The following VAX1 variants were observed in gnomAD, a reference collection of about 807,000 sequenced individuals.
VAX1 encodes ventral anterior homeobox 1.
VAX1 carries 6 observed loss-of-function variants against 17.6 expected under a neutral mutation model. That is an observed-to-expected ratio of 0.34 (90% CI 0.19 to 0.67). The LOEUF (loss-of-function observed/expected upper bound fraction) is 0.67, where lower values mean the gene tolerates loss of function less well. Ranked by LOEUF, VAX1 falls within the 30% of genes least tolerant of loss-of-function variation. VAX1 has a pLI of 0.69. For missense variants in VAX1, 408 were observed against 463.7 expected, an observed-to-expected ratio of 0.88 and a Z score of 1.10; for synonymous variants, 256 against 227.4, an observed-to-expected ratio of 1.13 and a Z score of -1.13.
In VAX1 at chr10:117,134,474, C is replaced by T. The variant is rs367863478; in HGVS notation, c.539G>A (p.Arg180Gln). 2.0e-6 allele frequency: 3 copies of T among 1,522,868 alleles called. No homozygotes were observed. 94.3% of individuals were successfully genotyped at this position (1,522,868 alleles called of 1,614,324 possible). ...SETAATCSVLRLLEQGRLLSP... is the reference protein window; with the variant it reads ...SETAATCSVLQLLEQGRLLSP... ...CAACAGGCGGCCCTGCTCCAGCAGC[C>T]GTAGCACGCTGCACGTGGCCGCGGT... Residue 180 changes from arginine (R) to glutamine (Q), a missense_variant, in exon 3 of 3, where the codon CGG becomes CAG. Physicochemically the swap from Arg to Gln is conservative, Grantham distance 43 (BLOSUM62 1). Transcript: ENST00000369206. This position sits in a 1 kb window ranked among gnomAD's most constrained non-coding sequence, Gnocchi z 6.2.
At chr10:117,132,215 G>A, downstream of VAX1, 1 of 1,613,584 alleles carries the variant, frequency 6.2e-7, no homozygotes, top group Non-Finnish European at 8.5e-7. This position sits in a 1 kb window ranked among gnomAD's most constrained non-coding sequence, Gnocchi z 4.9. Context: ...CGCACTATAG[G>A]GGCTGCCACC....
In VAX1 at chr10:117,136,369, G is replaced by A. The variant is rs982851384; in HGVS notation, c.429+103C>T. The A allele has an allele frequency of 3.0e-5, 43 of 1,411,988 alleles. No homozygotes were observed. Among genetic ancestry groups the A allele is most frequent in the Non-Finnish European group, 4.0e-5 (41 of 1,034,870 alleles). The allele number at this position is 1,411,988 out of a possible 1,614,324, so 87.5% of individuals were successfully genotyped here. ...CTTCCCATCTCCTCCACCTCCCAAGGGTAGTTCTGTCCAGAGCAGGTTAGG... is the reference window on the plus strand; with the variant it reads ...CTTCCCATCTCCTCCACCTCCCAAGAGTAGTTCTGTCCAGAGCAGGTTAGG... On this transcript the variant is annotated intron_variant, in intron 2 of 2. Coordinates refer to ENST00000369206, the MANE Select transcript of VAX1 (RefSeq NM_001112704.2). This position sits in a 1 kb window ranked among gnomAD's most constrained non-coding sequence, Gnocchi z 5.0.
In VAX1 at chr10:117,134,795, C is replaced by A. The variant is rs1384910452; in HGVS notation, c.430-212G>T. Among the ~76,000 whole-genome samples, 5 of 152,090 alleles carry A rather than the reference C, an allele frequency of 3.3e-5. No homozygotes were observed. The highest frequency in any genetic ancestry group is 2.1e-4 in the South Asian group (1 of 4,832). The stretch of plus-strand genomic sequence containing the variant: ...GACACAGCTGCTCCACCGGGCTGCG[C>A]TTCCGGGTCAGGGAAGCAGGCCCAG... On this transcript the variant is annotated intron_variant, in intron 2 of 2. Coordinates refer to ENST00000369206, the MANE Select transcript of VAX1 (RefSeq NM_001112704.2). The surrounding 1 kb of genome is among the most constrained non-coding windows in gnomAD (Gnocchi z 6.2).
Position 117,136,384 on chromosome 10 carries a change from A to C in VAX1, c.429+88T>G. 1 of 1,526,508 alleles carries C rather than the reference A, an allele frequency of 6.6e-7. No individual in the cohort carries two copies. The highest frequency in any genetic ancestry group is 8.9e-7 in the Non-Finnish European group (1 of 1,120,468). The allele number at this position is 1,526,508 out of a possible 1,614,324, so 94.6% of individuals were successfully genotyped here. A position where few individuals can be genotyped will look rare whatever the true frequency, so the allele number is the denominator to read the frequency against. On this transcript the variant is annotated intron_variant, in intron 2 of 2. Coordinates refer to ENST00000369206, the MANE Select transcript of VAX1 (RefSeq NM_001112704.2). The surrounding 1 kb of genome is among the most constrained non-coding windows in gnomAD (Gnocchi z 5.0). ...ACCTCCCAAGGGTAGTTCTGTCCAGAGCAGGTTAGGAGGTGAAGAGCAGGC... is the reference window on the plus strand; with the variant it reads ...ACCTCCCAAGGGTAGTTCTGTCCAGCGCAGGTTAGGAGGTGAAGAGCAGGC...
downstream of VAX1, chr10:117,129,043 A>T (rs911368179): frequency 2.0e-5 from 3 of 152,264 alleles, no homozygotes; most frequent in Non-Finnish European, 4.4e-5. Context: ...AATGGTGTTA[A>T]ATTACAATAG....
rs1218612887 is a variant in VAX1, at chr10:117,136,958, C to G, written c.242-299G>C. Reference sequence around the variant, plus strand: ...GGACGTTTCTTCCGGCCTGGGGGGGCCTCGGCTGAGCCTTCCGGGTCCCCT... The same window carrying G: ...GGACGTTTCTTCCGGCCTGGGGGGGGCTCGGCTGAGCCTTCCGGGTCCCCT... On this transcript the variant is annotated intron_variant, in intron 1 of 2. Coordinates refer to ENST00000369206, the MANE Select transcript of VAX1 (RefSeq NM_001112704.2). The surrounding 1 kb of genome is among the most constrained non-coding windows in gnomAD (Gnocchi z 5.0). Among the ~76,000 whole-genome samples the G allele has an allele frequency of 6.6e-6, 1 of 152,216 alleles. No individual in the cohort carries two copies. The highest frequency in any genetic ancestry group is 1.5e-5 in the Non-Finnish European group (1 of 68,036).
chr10:117,137,935 G>C lies in VAX1; in HGVS notation c.122C>G (p.Ala41Gly), dbSNP rs768646019. The C allele has an allele frequency of 3.1e-6, 5 of 1,613,732 alleles. No homozygotes were observed. The African/African-American group carries it at 5.3e-5, about 17-fold the overall frequency. ...GCCCTGCGGCTCCTTGAGGAAGGCGGCTGGGAGGTTCCCCTCCGCGCCCTT... is the reference window on the plus strand; with the variant it reads ...GCCCTGCGGCTCCTTGAGGAAGGCGCCTGGGAGGTTCCCCTCCGCGCCCTT... Reference protein sequence around the residue: ...ESKGAEGNLPAAFLKEPQGAF... With the variant: ...ESKGAEGNLPGAFLKEPQGAF... The change falls in exon 1 of 3, where the codon GCC becomes GGC. Residue 41 changes from alanine to glycine, a missense_variant. Coordinates refer to ENST00000369206, the MANE Select transcript of VAX1 (RefSeq NM_001112704.2). The surrounding 1 kb of genome is among the most constrained non-coding windows in gnomAD (Gnocchi z 7.4).
downstream of VAX1, chr10:117,129,573 C>T (rs1854058210): frequency 6.6e-6 from 1 of 152,136 alleles, no homozygotes; most frequent in Non-Finnish European, 1.5e-5. Flanking sequence ...GAGAAAGACA[C>T]TGTGTGTCAT....
rs1249422578 is a variant in VAX1, at chr10:117,137,882, C to T, written c.175G>A (p.Asp59Asn). Residue 59 changes from aspartate to asparagine, a missense_variant, in exon 1 of 3, where the codon GAT (aspartate) becomes AAT (asparagine). Coordinates refer to ENST00000369206, the MANE Select transcript of VAX1 (RefSeq NM_001112704.2). This position sits in a 1 kb window ranked among gnomAD's most constrained non-coding sequence, Gnocchi z 7.4. ...GAFSASGAAE[D>N]CNKSKSNSAA... ...GAATTGGATTTACTTTTGTTACAAT[C>T]CTCAGCAGCGCCCGACGCTGAGAAG... 6.8e-6 allele frequency: 11 copies of T among 1,613,686 alleles called. No individual in the cohort carries two copies. The highest frequency in any genetic ancestry group is 9.3e-6 in the Non-Finnish European group (11 of 1,180,008).
In VAX1 at chr10:117,134,152, G is replaced by A. The variant is rs1854132020; in HGVS notation, c.861C>T (p.Arg287=). The A allele has an allele frequency of 1.3e-6, 2 of 1,529,600 alleles. No individual in the cohort carries two copies. Among genetic ancestry groups the A allele is most frequent in the African/African-American group, 1.4e-5 (1 of 70,852 alleles). The allele number at this position is 1,529,600 out of a possible 1,614,324, so 94.8% of individuals were successfully genotyped here. A position where few individuals can be genotyped will look rare whatever the true frequency, so the allele number is the denominator to read the frequency against. ...VPSLLGSVAS[R]LSSAPLTMAG... ...CCATTGTTAACGGGGCGGAGGACAG[G>A]CGGCTGGCGACGGAGCCGAGCAGCG... The change falls in exon 3 of 3, where the codon CGC becomes CGT. Residue 287 remains arginine, a synonymous_variant. Coordinates refer to ENST00000369206, the MANE Select transcript of VAX1 (RefSeq NM_001112704.2). The surrounding 1 kb of genome is among the most constrained non-coding windows in gnomAD (Gnocchi z 6.2).
Position 117,137,671 on chromosome 10 carries a change from C to T in VAX1, c.241+145G>A, listed in dbSNP as rs1854206324. On this transcript the variant is annotated intron_variant, in intron 1 of 2. Coordinates refer to ENST00000369206, the MANE Select transcript of VAX1 (RefSeq NM_001112704.2). This position sits in a 1 kb window ranked among gnomAD's most constrained non-coding sequence, Gnocchi z 7.4. ...GAGAGTCCCAGGCGCTTGTCCCCAGCCGGACTCGGGGCGGGGAGGGCCAAC... is the reference window on the plus strand; with the variant it reads ...GAGAGTCCCAGGCGCTTGTCCCCAGTCGGACTCGGGGCGGGGAGGGCCAAC... 2 of 1,528,816 alleles carry T rather than the reference C, an allele frequency of 1.3e-6. No homozygotes were observed. The highest frequency in any genetic ancestry group is 1.4e-5 in the African/African-American group (1 of 71,738). The allele number at this position is 1,528,816 out of a possible 1,614,324, so 94.7% of individuals were successfully genotyped here.
downstream of VAX1, chr10:117,132,371 A>G: frequency 6.2e-7 from 1 of 1,610,956 alleles, no homozygotes; most frequent in Non-Finnish European, 8.5e-7. The surrounding 1 kb of genome is among the most constrained non-coding windows in gnomAD (Gnocchi z 4.9). Context: ...CTCACCACAT[A>G]AATACAAAAC....
chr10:117,137,396 C>T lies in VAX1; in HGVS notation c.241+420G>A, dbSNP rs1304797243. ...CCGTAGCCCGCGATCGGCAGCTGTT[C>T]TCCGGGGCTCGCGTTCCCCCTTGGG... On this transcript the variant is annotated intron_variant, in intron 1 of 2. Transcript: ENST00000369206. The surrounding 1 kb of genome is among the most constrained non-coding windows in gnomAD (Gnocchi z 7.4). Among the ~76,000 whole-genome samples the T allele has an allele frequency of 3.3e-5, 5 of 152,212 alleles. No homozygotes were observed. Among genetic ancestry groups the T allele is most frequent in the African/African-American group, 4.8e-5 (2 of 41,460 alleles).
rs777401843 is a variant in VAX1 at position 117,136,459 on chromosome 10, G to C, written c.429+13C>G. ...GCTGGTGCAGAACTGTGTGCGGCCT[G>C]GTCGCCGGGTACCTGGGTCTCGGAG... On this transcript the variant is annotated intron_variant, in intron 2 of 2. Coordinates refer to ENST00000369206, the MANE Select transcript of VAX1 (RefSeq NM_001112704.2). This position sits in a 1 kb window ranked among gnomAD's most constrained non-coding sequence, Gnocchi z 5.0. The C allele has an allele frequency of 1.9e-6, 3 of 1,612,198 alleles. No individual in the cohort carries two copies. The highest frequency in any genetic ancestry group is 2.2e-5 in the East Asian group (1 of 44,860).
chr10:117,136,380 C>G lies in VAX1; in HGVS notation c.429+92G>C. On this transcript the variant is annotated intron_variant, in intron 2 of 2. Coordinates refer to ENST00000369206, the MANE Select transcript of VAX1 (RefSeq NM_001112704.2). The surrounding 1 kb of genome is among the most constrained non-coding windows in gnomAD (Gnocchi z 5.0). ...CTCCACCTCCCAAGGGTAGTTCTGT[C>G]CAGAGCAGGTTAGGAGGTGAAGAGC... is the stretch of plus-strand genomic sequence containing the variant. The G allele has an allele frequency of 6.6e-7, 1 of 1,512,624 alleles. No homozygotes were observed. The highest frequency in any genetic ancestry group is 1.2e-5 in the South Asian group (1 of 85,896). The allele number at this position is 1,512,624 out of a possible 1,614,324, so 93.7% of individuals were successfully genotyped here.
chr10:117,134,082 G>C lies in VAX1; in HGVS notation c.931C>G (p.Leu311Val). The stretch of plus-strand genomic sequence containing the variant: ...TAAGGCTCGAAGGCCGAGGAGCTCA[G>C]ATATCGGGCGGAGAGTTCTTGCAAA... Reference protein sequence around the residue: ...GNLQELSARYLSSSAFEPYSR... With the variant: ...GNLQELSARYVSSSAFEPYSR... Residue 311 changes from leucine (L) to valine (V), a missense_variant, in exon 3 of 3, where the codon CTG becomes GTG. By Grantham distance (32) the Leu-to-Val change is conservative. This residue lies in a region of VAX1 where 196 missense variants were observed against 218.7 expected (regional missense o/e 0.90). Coordinates refer to ENST00000369206, the MANE Select transcript of VAX1 (RefSeq NM_001112704.2). This position sits in a 1 kb window ranked among gnomAD's most constrained non-coding sequence, Gnocchi z 6.2. 1 of 1,536,522 alleles carries C rather than the reference G, an allele frequency of 6.5e-7. No homozygotes were observed. Among genetic ancestry groups the C allele is most frequent in the East Asian group, 2.5e-5 (1 of 39,216 alleles).
In VAX1 at chr10:117,137,816, C is replaced by T. The variant is rs1482844157; in HGVS notation, c.241G>A (p.Asp81Asn). The T allele has an allele frequency of 6.2e-7, 1 of 1,612,060 alleles. No individual in the cohort carries two copies. Among genetic ancestry groups the T allele is most frequent in the Non-Finnish European group, 8.5e-7 (1 of 1,179,934 alleles). Residue 81 changes from aspartate (D) to asparagine (N), a missense_variant and splice_region_variant, in exon 1 of 3, where the codon GAT (aspartate) becomes AAT (asparagine). Asp to Asn is a conservative substitution (Grantham distance 23). Around this residue, in one of 4 missense-constraint regions of VAX1, gnomAD observed 133 missense variants for 112.0 expected, o/e 1.19. Coordinates refer to ENST00000369206, the MANE Select transcript of VAX1 (RefSeq NM_001112704.2). This position sits in a 1 kb window ranked among gnomAD's most constrained non-coding sequence, Gnocchi z 7.4. ...PDYCRRILVRDAKGSIREIIL... is the reference protein window; with the variant it reads ...PDYCRRILVRNAKGSIREIIL... ...GCCTGGCAGCCCTGCCCATCCCTAC[C>T]TCGGACCAGGATCCGGCGGCAGTAA...
rs1343745650 is a variant in VAX1, at chr10:117,134,818, C to T, written c.430-235G>A. ...CGCTTCCGGGTCAGGGAAGCAGGCC[C>T]AGGCAGGCGCCGCTTACACAGAACA... is the stretch of plus-strand genomic sequence containing the variant. On this transcript the variant is annotated intron_variant, in intron 2 of 2. Transcript: ENST00000369206. This position sits in a 1 kb window ranked among gnomAD's most constrained non-coding sequence, Gnocchi z 6.2. Among the ~76,000 whole-genome samples, 1 of 152,104 alleles carries T rather than the reference C, an allele frequency of 6.6e-6. No individual in the cohort carries two copies. The highest frequency in any genetic ancestry group is 1.5e-5 in the Non-Finnish European group (1 of 68,024).
At chr10:117,130,341 G>A (rs1589944436), downstream of VAX1, 2 of 152,256 alleles carry the variant, frequency 1.3e-5, no homozygotes, top group East Asian at 3.8e-4. Flanking sequence ...GTGTGGATAG[G>A]AGCATGTGTC....
Sources: allele counts gnomAD v4.1 joint callset (sites outside exome capture counted in the v4.1 genomes callset), GRCh38; gene constraint gnomAD v4.1.1; regional missense constraint gnomAD v4.1.1; non-coding constraint Gnocchi (gnomAD v3.1); transcripts MANE v1.5; gene names NCBI Gene and HGNC (gene_info 2026-07-23, HGNC 2026-07-21).